The following TENM2 variants were observed in gnomAD, a reference collection of about 807,000 sequenced individuals.
TENM2 encodes the protein teneurin-2.
Under a neutral mutation model 245.2 loss-of-function variants are expected in TENM2, and 52 were observed. That is an observed-to-expected ratio of 0.21 (90% CI 0.17 to 0.27). TENM2 has a LOEUF of 0.27. TENM2 is among the 10% of genes least tolerant of loss of function. The pLI is 1.00. For missense variants in TENM2, 3,046 were observed against 3,666.8 expected (o/e 0.83, Z 4.37); for synonymous variants, 1,363 against 1,438.9 (o/e 0.95, Z 1.19).
At chr5:167,369,790 G>T (rs1282451198) in intron 1 of TENM2, among the ~76,000 whole-genome samples, 1 of 152,064 alleles carries the variant, frequency 6.6e-6, no homozygotes, top group African/African-American at 2.4e-5. Flanking sequence ...TTATCTTCTT[G>T]CCCTTGTAGT....
At chr5:167,296,761 A>G (rs1451564094) in intron 1 of TENM2, among the ~76,000 whole-genome samples, 3 of 152,162 alleles carry the variant, frequency 2.0e-5, no homozygotes, top group African/African-American at 4.8e-5. Context: ...CTCTGACTCC[A>G]TTTGTCTGCC....
intron 9 of TENM2, among the ~76,000 whole-genome samples, chr5:168,100,237 A>G (rs1004434318): frequency 2.6e-5 from 4 of 152,182 alleles, no homozygotes; most frequent in Non-Finnish European, 4.4e-5. Flanking sequence ...GAAACAACAG[A>G]TGCTGGAGAG....
chr5:168,257,126 A>G (rs1019154996), intron 27 of TENM2, among the ~76,000 whole-genome samples: 5 of 152,138 alleles, frequency 3.3e-5, no homozygotes, highest in African/African-American at 1.2e-4. Flanking sequence ...TAAACTCCCC[A>G]TGCTGGTGGA....
At chr5:167,971,536 A>G (rs1394876888) in intron 4 of TENM2, among the ~76,000 whole-genome samples, 1 of 152,120 alleles carries the variant, frequency 6.6e-6, no homozygotes, top group Non-Finnish European at 1.5e-5. Flanking sequence ...CTTCGTGTCT[A>G]TTAAAAATAC....
At chr5:167,843,055 C>G (rs551357263) in intron 2 of TENM2, among the ~76,000 whole-genome samples, 5 of 152,172 alleles carry the variant, frequency 3.3e-5, no homozygotes, top group Non-Finnish European at 7.4e-5. Context: ...GTACCATGAC[C>G]CAACTCTAGG....
the TENM2 span, among the ~76,000 whole-genome samples, chr5:167,120,580 T>A: frequency 6.6e-6 from 1 of 152,242 alleles, no homozygotes; most frequent in African/African-American, 2.4e-5. Flanking sequence ...TATGGTCTTA[T>A]GATTTAGATT....
intron 2 of TENM2, among the ~76,000 whole-genome samples, chr5:167,405,304 A>C (rs1240042800): frequency 6.6e-6 from 1 of 151,938 alleles, no homozygotes; most frequent in Non-Finnish European, 1.5e-5. Context: ...AGTTTCCTGC[A>C]TCTGGGTGCA....
intron 2 of TENM2, among the ~76,000 whole-genome samples, chr5:167,484,651 T>C (rs6555752): frequency 0.94 from 143,863 of 152,252 alleles, 68,234 homozygotes; most frequent in Non-Finnish European, 0.99. Flanking sequence ...TCGTACAGTG[T>C]CTTACAACAA....
chr5:167,393,882 T>G (rs752717256), intron 2 of TENM2, among the ~76,000 whole-genome samples: 1 of 152,128 alleles, frequency 6.6e-6, no homozygotes, highest in Non-Finnish European at 1.5e-5. Context: ...AAGGTAAAGG[T>G]AGGAGTATTT....
At chr5:167,212,809 G>C in the TENM2 span, among the ~76,000 whole-genome samples, 1 of 152,254 alleles carries the variant, frequency 6.6e-6, no homozygotes, top group South Asian at 2.1e-4. Context: ...AGAATTTTCT[G>C]ATGTTATCTG....
intron 20 of TENM2, among the ~76,000 whole-genome samples, chr5:168,212,777 C>A (rs993613626): frequency 6.6e-6 from 1 of 152,142 alleles, no homozygotes; most frequent in Admixed American, 6.5e-5. Flanking sequence ...AATTCACCAA[C>A]CTCATGTGAT....
chr5:167,420,971 A>G (rs1174783549), intron 2 of TENM2, among the ~76,000 whole-genome samples: 1 of 152,232 alleles, frequency 6.6e-6, no homozygotes, highest in African/African-American at 2.4e-5. Flanking sequence ...ACGTGGACAC[A>G]TACTTTTGAA....
At chr5:168,039,185 A>C (rs926258869) in intron 5 of TENM2, among the ~76,000 whole-genome samples, 2 of 152,148 alleles carry the variant, frequency 1.3e-5, no homozygotes, top group African/African-American at 4.8e-5. Flanking sequence ...TTATCCTCTA[A>C]AACATTCATA....
At chr5:167,228,228 C>G in the TENM2 span, among the ~76,000 whole-genome samples, 1 of 151,866 alleles carries the variant, frequency 6.6e-6, no homozygotes, top group Non-Finnish European at 1.5e-5. Flanking sequence ...TGGGATTTCA[C>G]CATGATGGCC....
the TENM2 span, among the ~76,000 whole-genome samples, chr5:167,019,537 C>G: frequency 6.6e-6 from 1 of 152,072 alleles, no homozygotes; most frequent in East Asian, 1.9e-4. Flanking sequence ...GTGGCGCGAT[C>G]TCTGCTCACT....
intron 2 of TENM2, among the ~76,000 whole-genome samples, chr5:167,815,449 G>A (rs1766971988): frequency 6.6e-6 from 1 of 152,118 alleles, no homozygotes; most frequent in Admixed American, 6.6e-5. Context: ...TTGTATCGTT[G>A]TATTTATGGG....
intron 9 of TENM2, among the ~76,000 whole-genome samples, chr5:168,105,074 A>G (rs961871166): frequency 1.1e-4 from 17 of 152,224 alleles, no homozygotes; most frequent in Non-Finnish European, 2.4e-4. Context: ...AGACATTCCA[A>G]AGGAGAAAAT....
chr5:167,352,655 A>G (rs953187973), intron 1 of TENM2, among the ~76,000 whole-genome samples: 1 of 152,248 alleles, frequency 6.6e-6, no homozygotes, highest in East Asian at 1.9e-4. Flanking sequence ...AAGGATCTAC[A>G]TAGCAACAAT....
chr5:168,069,069 GA>G (rs33917157), intron 7 of TENM2, among the ~76,000 whole-genome samples: 58,101 of 151,726 alleles, frequency 0.38, 12,229 homozygotes, highest in East Asian at 0.55. Flanking sequence ...CTCCTTATTT[GA>G]AAAAAAATCA....
Sources: gnomAD v4.1 joint callset for allele counts (sites outside exome capture counted in the v4.1 genomes callset) on GRCh38, gnomAD v4.1.1 for gene constraint, MANE v1.5 for transcripts, NCBI Gene and HGNC (gene_info 2026-07-23, HGNC 2026-07-21) for gene names.